The following MAN2B2 variants were observed in gnomAD, a reference collection of about 807,000 sequenced individuals.
The protein encoded by MAN2B2 is epididymis-specific alpha-mannosidase.
Under a neutral mutation model 117.1 loss-of-function variants are expected in MAN2B2, and 106 were observed. The ratio of observed to expected loss-of-function variants is 0.90; its 90% CI spans 0.77 to 1.06. MAN2B2 has a LOEUF of 1.06. Among genes scored for constraint, MAN2B2 ranks in the 50% least tolerant of loss-of-function variants. MAN2B2 has a pLI of 0.00. For missense variants in MAN2B2, 1,326 were observed against 1,381.4 expected, an observed-to-expected ratio of 0.96 and a Z score of 0.64; for synonymous variants, 544 against 595.1, an observed-to-expected ratio of 0.91 and a Z score of 1.25.
At chr4:6,596,172 G>T (rs887983600) in intron 7 of MAN2B2, among the ~76,000 whole-genome samples, 1 of 151,420 alleles carries the variant, frequency 6.6e-6, no homozygotes, top group Non-Finnish European at 1.5e-5. Flanking sequence ...ATCCAGGCGG[G>T]TGTGGGTGGG....
intron 3 of MAN2B2, 45 bp from the exon 4 acceptor site, chr4:6,586,951 C>T (rs768657051): frequency 1.3e-6 from 2 of 1,576,244 alleles, no homozygotes; most frequent in South Asian, 1.2e-5. Flanking sequence ...CCGGGAGGCA[C>T]AGGCCCGCCC....
At position 6,597,203 on chromosome 4, in the gene MAN2B2, A is replaced by T. The variant is rs1471833158; in HGVS notation, c.1148A>T (p.Glu383Val). ...GCCAGCGCCTTGTTGTATGCCGGGGAGTCCATGTTCACACGCTACCTGTGG... is the reference window on the plus strand; with the variant it reads ...GCCAGCGCCTTGTTGTATGCCGGGGTGTCCATGTTCACACGCTACCTGTGG... Reference protein sequence around the residue: ...RRASALLYAGESMFTRYLWPA... With the variant: ...RRASALLYAGVSMFTRYLWPA... Residue 383 changes from glutamate to valine, a missense_variant, in exon 8 of 19, where the codon GAG becomes GTG. By Grantham distance (121) the Glu-to-Val change is moderately radical. Transcript: ENST00000285599. 2 of 1,611,826 alleles carry T rather than the reference A, an allele frequency of 1.2e-6. No homozygotes were observed. Among genetic ancestry groups the T allele is most frequent in the South Asian group, 1.1e-5 (1 of 90,904 alleles).
chr4:6,590,998 A>C (rs764794105), intron 5 of MAN2B2, among the ~76,000 whole-genome samples: 2 of 152,134 alleles, frequency 1.3e-5, no homozygotes, highest in South Asian at 4.1e-4. Context: ...AAAATACAAA[A>C]ATTAGCCAGG....
intron 9 of MAN2B2, among the ~76,000 whole-genome samples, chr4:6,598,656 T>G (rs1351125906): frequency 6.6e-6 from 1 of 152,146 alleles, no homozygotes; most frequent in Non-Finnish European, 1.5e-5. Flanking sequence ...CCTCACAAAA[T>G]CTGTACAAAA....
intron 10 of MAN2B2, among the ~76,000 whole-genome samples, chr4:6,603,927 T>A (rs904739082): frequency 5.9e-5 from 9 of 152,134 alleles, no homozygotes; most frequent in African/African-American, 2.2e-4. Context: ...GCCTCCCCAC[T>A]GGGGCACAGG....
rs189127466 is a variant in MAN2B2, at chr4:6,604,662, C to T, written c.1540-393C>T. On this transcript the variant is annotated intron_variant, in intron 10 of 18. Transcript: ENST00000285599. ...TGGTGAGGTCAGCTGTTGACATCCA[C>T]GTGGAGGCGTCAAACAAGAAGCTGT... 4.6e-5 allele frequency among the ~76,000 whole-genome samples: 7 copies of T among 151,962 alleles called. No homozygotes were observed. In the South Asian group the frequency reaches 6.2e-4, roughly 14 times the overall value.
Position 6,617,467 on chromosome 4 carries a change from C to T in MAN2B2, c.2789C>T (p.Ser930Phe). The T allele has an allele frequency of 1.2e-6, 2 of 1,614,124 alleles. No homozygotes were observed. Among genetic ancestry groups the T allele is most frequent in the Non-Finnish European group, 8.5e-7 (1 of 1,180,008 alleles). The change falls in exon 17 of 19, where the codon TCT (serine) becomes TTT (phenylalanine). Residue 930 changes from serine (S) to phenylalanine (F), a missense_variant. Coordinates refer to ENST00000285599, the MANE Select transcript of MAN2B2 (RefSeq NM_015274.3). ...LYEVGEDPVL[S>F]QPVTVNLEAV... ...GAAGTGGGCGAGGACCCAGTCCTGT[C>T]TCAGCCAGTGACAGTGAATCTGGAG...
intron 16 of MAN2B2, among the ~76,000 whole-genome samples, chr4:6,616,554 C>T (rs556049095): frequency 2.0e-5 from 3 of 152,294 alleles, no homozygotes; most frequent in Admixed American, 6.5e-5. Context: ...TATTGCAGCA[C>T]GTGCTTCCTC....
Position 6,614,216 on chromosome 4 carries a change from A to G in MAN2B2, c.2564-2A>G. 1 of 1,613,970 alleles carries G rather than the reference A, an allele frequency of 6.2e-7. No individual in the cohort carries two copies. The highest frequency in any genetic ancestry group is 8.5e-7 in the Non-Finnish European group (1 of 1,179,902). On this transcript the variant is annotated splice_acceptor_variant, in intron 15 of 18. Transcript: ENST00000285599. LOFTEE classifies it high-confidence loss of function. ...TCCTCACTCTGTCCATCTGCCTTGC[A>G]GGGACTGCGCCGAAGCTCCCAGGAC...
chr4:6,595,150 C>T lies in MAN2B2; in HGVS notation c.1057+418C>T, dbSNP rs376029086. 1.6e-4 allele frequency among the ~76,000 whole-genome samples: 25 copies of T among 152,382 alleles called. 1 individual carries two copies. In the East Asian group the frequency reaches 1.9e-3, roughly 12 times the overall value. On this transcript the variant is annotated intron_variant, in intron 7 of 18. Transcript: ENST00000285599. ...CAGTCATTACTGGGCACCTCCTGTG[C>T]ATCATGCCTGTGTCCTCAGGCCAGA...
intron 5 of MAN2B2, among the ~76,000 whole-genome samples, 166 bp downstream of exon 5, chr4:6,589,326 C>T (rs767435266): frequency 3.3e-4 from 51 of 152,290 alleles, no homozygotes; most frequent in South Asian, 1.0e-3. Context: ...CTGCAACCTC[C>T]GCCTCCTGGG....
intron 11 of MAN2B2, among the ~76,000 whole-genome samples, chr4:6,605,828 C>G (rs1306769242): frequency 2.6e-5 from 4 of 152,018 alleles, no homozygotes. Flanking sequence ...ATACATCTAC[C>G]TACCCACCCA....
chr4:6,575,194 C>A lies in MAN2B2; in HGVS notation c.-17C>A, dbSNP rs771705090. 2.1e-6 allele frequency: 3 copies of A among 1,404,722 alleles called. No homozygotes were observed. The highest frequency in any genetic ancestry group is 5.2e-5 in the East Asian group (2 of 38,184). The allele number at this position is 1,404,722 out of a possible 1,614,324, so 87.0% of individuals were successfully genotyped here. A position where few individuals can be genotyped will look rare whatever the true frequency, so the allele number is the denominator to read the frequency against. On this transcript the variant is annotated 5_prime_UTR_variant, in exon 1 of 19. Coordinates refer to ENST00000285599, the MANE Select transcript of MAN2B2 (RefSeq NM_015274.3). ...GACCCGGAAGTGGGCCTGGCACCTT[C>A]CCGGCCTGCCGCAGGGATGGGGCAG... is the stretch of plus-strand genomic sequence containing the variant.
chr4:6,579,003 T>TCAC (rs1359086883), intron 3 of MAN2B2, among the ~76,000 whole-genome samples: 2 of 108,938 alleles, frequency 1.8e-5, no homozygotes, highest in African/African-American at 3.5e-5. Context: ...ACCACTACCA[T>TCAC]CACCACCACC....
At chr4:6,600,589 C>T (rs1468544417) in intron 9 of MAN2B2, 34 bp from the exon 10 acceptor site, 10 of 1,607,816 alleles carry the variant, frequency 6.2e-6, no homozygotes, top group Middle Eastern at 1.7e-4. Flanking sequence ...AGGTGAGTCA[C>T]ATGGCACAAG....
In MAN2B2 at chr4:6,617,277, A is replaced by G. The variant is rs4234764; in HGVS notation, c.2702-103A>G. The G allele has an allele frequency of 0.95, 786,662 of 832,214 alleles. 378,246 individuals carry two copies. The highest frequency in any genetic ancestry group is 1 in the East Asian group (40,059 of 40,132). The allele number at this position is 832,214 out of a possible 1,614,324, so 51.6% of individuals were successfully genotyped here. A position where few individuals can be genotyped will look rare whatever the true frequency, so the allele number is the denominator to read the frequency against. On this transcript the variant is annotated intron_variant, in intron 16 of 18. Coordinates refer to ENST00000285599, the MANE Select transcript of MAN2B2 (RefSeq NM_015274.3). ...AGCCAAACCATATCGAGGAGGTTAC[A>G]GATAGGAAATGGAGCTGAGTGTGTA...
At chr4:6,612,741 A>G (rs941401927) in intron 15 of MAN2B2, among the ~76,000 whole-genome samples, 1 of 152,248 alleles carries the variant, frequency 6.6e-6, no homozygotes, top group African/African-American at 2.4e-5. Flanking sequence ...CATGTCTGAG[A>G]AAGCCCCATG....
intron 7 of MAN2B2, 70 bp from the exon 8 acceptor site, chr4:6,597,043 T>C (rs749583560): frequency 2.7e-5 from 39 of 1,461,810 alleles, no homozygotes; most frequent in Non-Finnish European, 3.6e-5. Context: ...TCTCAGCTCT[T>C]CCAGGGCTGG....
intron 5 of MAN2B2, among the ~76,000 whole-genome samples, chr4:6,592,944 C>T (rs1334562360): frequency 6.6e-6 from 1 of 152,198 alleles, no homozygotes; most frequent in African/African-American, 2.4e-5. Context: ...TCACCAAGCC[C>T]CCGGCCTCTT....
Sources: gnomAD v4.1 joint callset for allele counts (sites outside exome capture counted in the v4.1 genomes callset) on GRCh38, gnomAD v4.1.1 for gene constraint, MANE v1.5 for transcripts, NCBI Gene and HGNC (gene_info 2026-07-23, HGNC 2026-07-21) for gene names.